The following DYNC2LI1 variants were observed in gnomAD, a reference collection of about 807,000 sequenced individuals.
DYNC2LI1 encodes cytoplasmic dynein 2 light intermediate chain 1.
Under a neutral mutation model 51.9 loss-of-function variants are expected in DYNC2LI1, and 45 were observed. That is an observed-to-expected ratio of 0.87 (90% CI 0.68 to 1.11). The LOEUF (loss-of-function observed/expected upper bound fraction) is 1.11, where lower values mean the gene tolerates loss of function less well. Among genes scored for constraint, DYNC2LI1 ranks in the 50% most tolerant of loss-of-function variants. The pLI is 0.00. For synonymous variants in DYNC2LI1, 130 were observed against 137.8 expected, an observed-to-expected ratio of 0.94 and a Z score of 0.40; for missense variants, 490 against 417.4, an observed-to-expected ratio of 1.17 and a Z score of -1.51.
chr2:43,782,192 A>C (rs1673318784), intron 2 of DYNC2LI1, among the ~76,000 whole-genome samples: 1 of 152,190 alleles, frequency 6.6e-6, no homozygotes, highest in Admixed American at 6.5e-5. Context: ...TAATTTAGCC[A>C]GTAGGGGACA....
chr2:43,788,191 T>C (rs1179979818), intron 4 of DYNC2LI1, among the ~76,000 whole-genome samples: 1 of 152,182 alleles, frequency 6.6e-6, no homozygotes, highest in Non-Finnish European at 1.5e-5. Context: ...CTTTATCAAA[T>C]TGTGAATGGA....
chr2:43,784,030 T>C (rs1378856985), intron 3 of DYNC2LI1, among the ~76,000 whole-genome samples: 1 of 152,186 alleles, frequency 6.6e-6, no homozygotes, highest in Non-Finnish European at 1.5e-5. Context: ...AGCAGTATGA[T>C]TGGTAGATGT....
At chr2:43,785,063 C>T (rs1282947435) in intron 3 of DYNC2LI1, among the ~76,000 whole-genome samples, 1 of 151,918 alleles carries the variant, frequency 6.6e-6, no homozygotes, top group Non-Finnish European at 1.5e-5. Context: ...TTTGGGAGGG[C>T]AAGGCAGGCG....
chr2:43,813,070 T>C (rs1241681550), downstream of DYNC2LI1: 1 of 811,598 alleles, frequency 1.2e-6, no homozygotes, highest in Admixed American at 1.7e-5. Context: ...AGAGCAGTCA[T>C]GCACAGTCGG....
intron 9 of DYNC2LI1, 72 bp from the exon 10 acceptor site, chr2:43,801,567 C>A: frequency 1.8e-6 from 2 of 1,104,424 alleles, no homozygotes; most frequent in Non-Finnish European, 2.7e-6. Flanking sequence ...ATATTGCTGT[C>A]ATATTTACAG....
rs115368599 is a variant in DYNC2LI1, at chr2:43,788,119, C to T, written c.231+869C>T. 6.4e-3 allele frequency among the ~76,000 whole-genome samples: 978 copies of T among 152,250 alleles called. 11 individuals carry two copies. Among genetic ancestry groups the T allele is most frequent in the African/African-American group, 0.022 (914 of 41,554 alleles). On this transcript the variant is annotated intron_variant, in intron 4 of 12. Coordinates refer to ENST00000260605, the MANE Select transcript of DYNC2LI1 (RefSeq NM_016008.4). ...AGCCTAGAAATGTAATTATGCTTTT[C>T]ATTGGAAACTTTGAGACAGCTCTCA...
chr2:43,787,185 G>T lies in DYNC2LI1; in HGVS notation c.166G>T (p.Glu56Ter). 6.2e-7 allele frequency: 1 copy of T among 1,612,050 alleles called. No homozygotes were observed. The highest frequency in any genetic ancestry group is 2.2e-5 in the East Asian group (1 of 44,818). The change falls in exon 4 of 13, where the codon GAA becomes TAA. Residue 56 changes from glutamate (E) to a stop codon, truncating the protein, a stop_gained. Coordinates refer to ENST00000260605, the MANE Select transcript of DYNC2LI1 (RefSeq NM_016008.4). LOFTEE classifies it high-confidence loss of function. ...TIILRCLDRD[E>*]PPKPTLALEY... is the part of the protein sequence containing the mutation. Reference sequence around the variant, plus strand: ...CTATCGGCCTTTATTATACAGAGATGAACCACCAAAACCAACCTTAGCTTT... The same window carrying T: ...CTATCGGCCTTTATTATACAGAGATTAACCACCAAAACCAACCTTAGCTTT...
chr2:43,827,469 C>A, the DYNC2LI1 span, among the ~76,000 whole-genome samples: 2 of 152,206 alleles, frequency 1.3e-5, no homozygotes, highest in East Asian at 3.8e-4. Context: ...TCCTCTCCAG[C>A]TGCATGAGTG....
chr2:43,828,022 G>T, the DYNC2LI1 span: 1 of 1,614,070 alleles, frequency 6.2e-7, no homozygotes, highest in Admixed American at 1.7e-5. Context: ...GAGACCCGGC[G>T]CCGCTCACCC....
chr2:43,827,239 C>T, the DYNC2LI1 span, among the ~76,000 whole-genome samples: 10 of 151,756 alleles, frequency 6.6e-5, no homozygotes, highest in African/African-American at 1.9e-4. Flanking sequence ...GCAGGAGAAT[C>T]GCTTCAACCT....
At chr2:43,828,182 G>C in the DYNC2LI1 span, 1 of 1,607,916 alleles carries the variant, frequency 6.2e-7, no homozygotes, top group Non-Finnish European at 8.5e-7. Context: ...TCATGGGCTG[G>C]GGAGGACATG....
the DYNC2LI1 span, among the ~76,000 whole-genome samples, chr2:43,815,910 G>GAAAAAAAAAAAAAA: frequency 9.6e-6 from 1 of 104,062 alleles, no homozygotes; most frequent in African/African-American, 3.2e-5. Flanking sequence ...AACAGGAAAA[G>GAAAAAAAAAAAAAA]AAAAAAAAAA....
At chr2:43,784,635 T>C (rs1673437467) in intron 3 of DYNC2LI1, among the ~76,000 whole-genome samples, 1 of 152,058 alleles carries the variant, frequency 6.6e-6, no homozygotes, top group Non-Finnish European at 1.5e-5. Context: ...GGTTTCTCCA[T>C]GTTGGTCAGG....
rs1173225904 is a variant in DYNC2LI1, at chr2:43,809,685, G to A, written c.994-20G>A. 6.3e-7 allele frequency: 1 copy of A among 1,580,152 alleles called. No individual in the cohort carries two copies. Among genetic ancestry groups the A allele is most frequent in the Non-Finnish European group, 8.6e-7 (1 of 1,156,924 alleles). Reference sequence around the variant, plus strand: ...TAGTAAAGTTGATTTTTCTTAAAGTGATACATATTTTTGTTTTAGGAACTG... The same window carrying A: ...TAGTAAAGTTGATTTTTCTTAAAGTAATACATATTTTTGTTTTAGGAACTG... On this transcript the variant is annotated intron_variant, in intron 12 of 12. Transcript: ENST00000260605.
Position 43,809,877 on chromosome 2 carries a change from G to C in DYNC2LI1, c.*110G>C. On this transcript the variant is annotated 3_prime_UTR_variant, in exon 13 of 13. Transcript: ENST00000260605. ...TGAAGAAAGTTAAACTGTATAATTTGTTAAAGGACAAGCTGGATTTCTTGG... is the reference window on the plus strand; with the variant it reads ...TGAAGAAAGTTAAACTGTATAATTTCTTAAAGGACAAGCTGGATTTCTTGG... 1 of 1,437,694 alleles carries C rather than the reference G, an allele frequency of 7.0e-7. No individual in the cohort carries two copies. The highest frequency in any genetic ancestry group is 9.1e-7 in the Non-Finnish European group (1 of 1,097,368). 89.1% of individuals were successfully genotyped at this position (1,437,694 alleles called of 1,614,324 possible).
At chr2:43,819,428 G>T in the DYNC2LI1 span, among the ~76,000 whole-genome samples, 2 of 151,012 alleles carry the variant, frequency 1.3e-5, no homozygotes, top group East Asian at 1.9e-4. Context: ...CTATCATTTG[G>T]TGCATATCCT....
At chr2:43,825,295 G>A in the DYNC2LI1 span, among the ~76,000 whole-genome samples, 1 of 152,266 alleles carries the variant, frequency 6.6e-6, no homozygotes, top group Admixed American at 6.5e-5. Context: ...TTCATATCTG[G>A]GATAGACAAG....
intron 7 of DYNC2LI1, 111 bp from the exon 8 acceptor site, chr2:43,796,607 G>C (rs1674046679): frequency 6.5e-6 from 5 of 767,484 alleles, no homozygotes; most frequent in Middle Eastern, 7.3e-4. Context: ...TCCTATTCCT[G>C]AAAGTGAGTT....
intron 11 of DYNC2LI1, 31 bp from the exon 12 acceptor site, chr2:43,805,123 C>T (rs370811447): frequency 1.0e-5 from 15 of 1,481,584 alleles, no homozygotes; most frequent in Middle Eastern, 1.7e-4. Context: ...GGTTTATGGG[C>T]GTGAAGTGAT....
Sources: allele counts gnomAD v4.1 joint callset (sites outside exome capture counted in the v4.1 genomes callset), GRCh38; gene constraint gnomAD v4.1.1; transcripts MANE v1.5; gene names NCBI Gene and HGNC (gene_info 2026-07-23, HGNC 2026-07-21).